The following ASTN1 variants were observed in gnomAD, a reference collection of about 807,000 sequenced individuals.
ASTN1 encodes astrotactin 1.
Under a neutral mutation model 140.7 loss-of-function variants are expected in ASTN1, and 41 were observed. The observed-to-expected ratio is 0.29, with a 90% CI of 0.23 to 0.38. ASTN1 has a LOEUF of 0.38. ASTN1 is among the 10% of genes least tolerant of loss of function. The probability of loss-of-function intolerance (pLI) is 1.00; values close to 1 mark genes in which losing one functional copy is unlikely to be tolerated. For missense variants in ASTN1, 1,479 were observed against 1,678.8 expected, an observed-to-expected ratio of 0.88 and a Z score of 2.08; for synonymous variants, 640 against 652.2, an observed-to-expected ratio of 0.98 and a Z score of 0.29.
At chr1:176,959,519 T>TA (rs35198509) in intron 9 of ASTN1, among the ~76,000 whole-genome samples, 1,906 of 147,726 alleles carry the variant, frequency 0.013, 33 homozygotes, top group African/African-American at 0.037. Context: ...ATCTTTTATT[T>TA]AAAAAAAAAA....
chr1:177,070,371 A>G (rs1364702169), intron 1 of ASTN1, among the ~76,000 whole-genome samples: 1 of 152,236 alleles, frequency 6.6e-6, no homozygotes, highest in Non-Finnish European at 1.5e-5. Context: ...TTCTGATCCT[A>G]AACGATTTCA....
At chr1:177,149,746 CATAGTAAATATATATACACTG>C (rs1682943204) in intron 1 of ASTN1, among the ~76,000 whole-genome samples, 1 of 63,446 alleles carries the variant, frequency 1.6e-5, no homozygotes, top group Non-Finnish European at 2.4e-5. Context: ...ACTGTATATA[CATAGTAAATATATATACACTG>C]TATATACATA....
chr1:176,993,517 C>G (rs1465087663), intron 8 of ASTN1, among the ~76,000 whole-genome samples: 1 of 152,092 alleles, frequency 6.6e-6, no homozygotes, highest in Non-Finnish European at 1.5e-5. Context: ...AACTCCCTTA[C>G]CTCTACAAAT....
intron 16 of ASTN1, among the ~76,000 whole-genome samples, chr1:176,923,002 C>G (rs1297102455): frequency 1.3e-5 from 2 of 152,048 alleles, no homozygotes; most frequent in African/African-American, 2.4e-5. Flanking sequence ...CTGGTACAAC[C>G]TTTTAATATA....
intron 22 of ASTN1, among the ~76,000 whole-genome samples, chr1:176,865,185 G>T (rs1668089020): frequency 2.0e-5 from 3 of 152,174 alleles, no homozygotes; most frequent in Admixed American, 1.3e-4. Flanking sequence ...TTGTCACTTA[G>T]CCCCAGTCAA....
chr1:177,065,804 A>G (rs1057226727), intron 1 of ASTN1, among the ~76,000 whole-genome samples: 4 of 152,216 alleles, frequency 2.6e-5, no homozygotes, highest in Non-Finnish European at 5.9e-5. Flanking sequence ...TTTATAAAGC[A>G]GAGGAATGAA....
At position 177,032,714 on chromosome 1, in the gene ASTN1, A is replaced by C; in HGVS notation, c.607T>G (p.Tyr203Asp). Residue 203 changes from tyrosine to aspartate, a missense_variant, in exon 3 of 23, where the codon TAC (tyrosine) becomes GAC (aspartate). Coordinates refer to ENST00000361833, the MANE Select transcript of ASTN1 (RefSeq NM_004319.3). ...CCGCCGATCAGCACAGAAGGAATGTAGTGAATCTCATTGGCTGCCTCAGCA... is the reference window on the plus strand; with the variant it reads ...CCGCCGATCAGCACAGAAGGAATGTCGTGAATCTCATTGGCTGCCTCAGCA... ...ASAEAANEIH[Y>D]IPSVLIGGHG... is the part of the protein sequence containing the mutation. The C allele has an allele frequency of 6.2e-7, 1 of 1,614,066 alleles. No homozygotes were observed. Among genetic ancestry groups the C allele is most frequent in the Non-Finnish European group, 8.5e-7 (1 of 1,180,030 alleles).
In ASTN1 at chr1:176,957,593, TC is replaced by T. The variant is rs967533091; in HGVS notation, c.1887+84del. The T allele has an allele frequency of 2.5e-5, 37 of 1,499,322 alleles. No homozygotes were observed. In the African/African-American group the frequency reaches 5.2e-4, roughly 21 times the overall value. 92.9% of individuals were successfully genotyped at this position (1,499,322 alleles called of 1,614,324 possible). ...ACAACTGGGGATCACAGCACATTTT[TC>T]CCTATGTATCTGTATTGTGTCTTCC... On this transcript the variant is annotated intron_variant, in intron 11 of 22. Coordinates refer to ENST00000361833, the MANE Select transcript of ASTN1 (RefSeq NM_004319.3).
chr1:176,915,885 A>G (rs1670458119), intron 16 of ASTN1, among the ~76,000 whole-genome samples: 1 of 152,234 alleles, frequency 6.6e-6, no homozygotes, highest in Non-Finnish European at 1.5e-5. Flanking sequence ...ACCAATTAAA[A>G]GATAACAAGA....
chr1:176,888,340 G>T, intron 17 of ASTN1, 136 bp from the exon 18 acceptor site: 1 of 1,046,678 alleles, frequency 9.6e-7, no homozygotes, highest in Non-Finnish European at 1.4e-6. Flanking sequence ...CTTTATCATT[G>T]TCTCAAATTC....
At chr1:177,024,821 C>A (rs1676025901) in intron 5 of ASTN1, 89 bp from the exon 6 acceptor site, 1 of 1,439,302 alleles carries the variant, frequency 6.9e-7, no homozygotes, top group Non-Finnish European at 9.5e-7. Flanking sequence ...TCCTGGCAAA[C>A]AGGGGAGACA....
At chr1:177,034,276 CA>C (rs1676600813) in intron 2 of ASTN1, among the ~76,000 whole-genome samples, 1 of 146,524 alleles carries the variant, frequency 6.8e-6, no homozygotes, top group Non-Finnish European at 1.5e-5. Flanking sequence ...CACACACACA[CA>C]CACACACTGC....
intron 1 of ASTN1, among the ~76,000 whole-genome samples, chr1:177,163,021 T>C (rs1647478517): frequency 6.6e-6 from 1 of 152,342 alleles, no homozygotes; most frequent in South Asian, 2.1e-4. Context: ...GAAATTGCTT[T>C]TCCCTAAGGG....
At chr1:177,024,308 G>A (rs140084850) in intron 6 of ASTN1, among the ~76,000 whole-genome samples, 2 of 152,192 alleles carry the variant, frequency 1.3e-5, no homozygotes, top group Non-Finnish European at 2.9e-5. Flanking sequence ...CCAGTGGGCT[G>A]TGCATTTCTC....
intron 18 of ASTN1, among the ~76,000 whole-genome samples, chr1:176,886,730 G>T (rs984839856): frequency 6.6e-6 from 1 of 152,174 alleles, no homozygotes; most frequent in African/African-American, 2.4e-5. Context: ...GCACCTGCAT[G>T]AAACAGGCCA....
Position 176,863,932 on chromosome 1 carries a change from T to G in ASTN1, c.*352A>C. On this transcript the variant is annotated 3_prime_UTR_variant, in exon 23 of 23. Coordinates refer to ENST00000361833, the MANE Select transcript of ASTN1 (RefSeq NM_004319.3). ...AACTGAGTGAGCACAGGGTGCCTAC[T>G]TAATAGACTTTTCATGGGGAGCACG... 9.3e-7 allele frequency: 1 copy of G among 1,080,976 alleles called. No homozygotes were observed. The highest frequency in any genetic ancestry group is 1.1e-6 in the Non-Finnish European group (1 of 887,896). The allele number at this position is 1,080,976 out of a possible 1,614,324, so 67.0% of individuals were successfully genotyped here. A position where few individuals can be genotyped will look rare whatever the true frequency, so the allele number is the denominator to read the frequency against.
rs562983199 is a variant in ASTN1, at chr1:176,999,886, T to C, written c.1523+14905A>G. ...GGTGCCATCCACCATGTTTATAAGA[T>C]TCCTGAGGCCTCCCCAGCCATGTGG... is the stretch of plus-strand genomic sequence containing the variant. On this transcript the variant is annotated intron_variant, in intron 8 of 22. Coordinates refer to ENST00000361833, the MANE Select transcript of ASTN1 (RefSeq NM_004319.3). Among the ~76,000 whole-genome samples, 5 of 152,298 alleles carry C rather than the reference T, an allele frequency of 3.3e-5. No homozygotes were observed. The South Asian group carries it at 1.0e-3, about 32-fold the overall frequency.
In ASTN1 at chr1:176,864,373, C is replaced by T. The variant is rs1668063020; in HGVS notation, c.3796G>A (p.Ala1266Thr). Residue 1266 changes from alanine (A) to threonine (T), a missense_variant, in exon 23 of 23, where the codon GCG becomes ACG. Coordinates refer to ENST00000361833, the MANE Select transcript of ASTN1 (RefSeq NM_004319.3). ...SEIKPYGLDW[A>T]ELSRDLRKTC... Reference sequence around the variant, plus strand: ...TTCCTGAGGTCCCGGCTGAGCTCCGCCCAGTCAAGTCCGTAGGGTTTGATC... The same window carrying T: ...TTCCTGAGGTCCCGGCTGAGCTCCGTCCAGTCAAGTCCGTAGGGTTTGATC... The T allele has an allele frequency of 2.5e-6, 4 of 1,613,954 alleles. No individual in the cohort carries two copies. In the African/African-American group the frequency reaches 4.0e-5, roughly 16 times the overall value.
chr1:177,033,683 G>A lies in ASTN1; in HGVS notation c.472-834C>T, dbSNP rs1184814535. 2.0e-5 allele frequency among the ~76,000 whole-genome samples: 3 copies of A among 152,170 alleles called. No individual in the cohort carries two copies. The East Asian group carries it at 5.8e-4, about 29-fold the overall frequency. On this transcript the variant is annotated intron_variant, in intron 2 of 22. Transcript: ENST00000361833. ...GTTCCGTCTTCTTACTAAAGCTCAG[G>A]GGAAGGGATTGAAACCCAAGTCCTG...
Sources: allele counts gnomAD v4.1 joint callset (sites outside exome capture counted in the v4.1 genomes callset), GRCh38; gene constraint gnomAD v4.1.1; transcripts MANE v1.5; gene names NCBI Gene and HGNC (gene_info 2026-07-23, HGNC 2026-07-21).